SNTG1: variants seen among roughly 807,000 people sequenced by gnomAD.
SNTG1 encodes the protein gamma-1-syntrophin.
A neutral mutation model predicts 74.7 loss-of-function variants in SNTG1; 39 were observed. That is an observed-to-expected ratio of 0.52 (90% CI 0.40 to 0.68). The LOEUF (loss-of-function observed/expected upper bound fraction) is 0.68, where lower values mean the gene tolerates loss of function less well. SNTG1 is among the 30% of genes least tolerant of loss of function. SNTG1 has a pLI of 0.00. For synonymous variants in SNTG1, 254 were observed against 217.1 expected (o/e 1.17, Z -1.49); for missense variants, 685 against 609.5 (o/e 1.12, Z -1.30).
At chr8:50,582,450 C>G (rs1210288629) in intron 12 of SNTG1, among the ~76,000 whole-genome samples, 1 of 151,878 alleles carries the variant, frequency 6.6e-6, no homozygotes, top group Non-Finnish European at 1.5e-5. Context: ...ATAAGTATCT[C>G]TATACTGATA....
chr8:50,076,157 T>C (rs541324362), intron 1 of SNTG1, among the ~76,000 whole-genome samples: 1 of 152,210 alleles, frequency 6.6e-6, no homozygotes, highest in Admixed American at 6.5e-5. Context: ...TTAGAAATTT[T>C]CCATTAAGCC....
intron 2 of SNTG1, among the ~76,000 whole-genome samples, chr8:50,333,695 G>A (rs2091043592): frequency 6.6e-6 from 1 of 152,180 alleles, no homozygotes; most frequent in Non-Finnish European, 1.5e-5. Context: ...GGCGTTATCA[G>A]AGAAATACAG....
chr8:50,670,211 G>A (rs1018513623), intron 15 of SNTG1, among the ~76,000 whole-genome samples: 74 of 152,138 alleles, frequency 4.9e-4, no homozygotes, highest in Non-Finnish European at 8.7e-4. Context: ...GCAGGAGAAG[G>A]AAATAAAGGG....
intron 9 of SNTG1, among the ~76,000 whole-genome samples, chr8:50,515,794 C>T (rs1350018905): frequency 6.6e-6 from 1 of 152,178 alleles, no homozygotes; most frequent in African/African-American, 2.4e-5. Context: ...AGAAAGGCAG[C>T]AGCCCCAGTC....
intron 1 of SNTG1, among the ~76,000 whole-genome samples, chr8:50,010,485 C>T (rs1815670690): frequency 6.6e-6 from 1 of 152,002 alleles, no homozygotes; most frequent in Non-Finnish European, 1.5e-5. Flanking sequence ...AAATGTCTGA[C>T]TTCATAAAAC....
chr8:49,910,524 G>A (rs1244368946), upstream of SNTG1, among the ~76,000 whole-genome samples: 1 of 152,196 alleles, frequency 6.6e-6, no homozygotes. Flanking sequence ...TCAACGTTAT[G>A]TATTTCAACT....
chr8:50,168,794 A>G (rs2082711082), intron 1 of SNTG1, among the ~76,000 whole-genome samples: 1 of 152,202 alleles, frequency 6.6e-6, no homozygotes, highest in African/African-American at 2.4e-5. Flanking sequence ...CATAATTTCT[A>G]GGAAGTTGCA....
intron 12 of SNTG1, among the ~76,000 whole-genome samples, chr8:50,568,354 A>G (rs944586660): frequency 1.3e-5 from 2 of 152,030 alleles, no homozygotes; most frequent in Non-Finnish European, 2.9e-5. Context: ...CTTTGGATAT[A>G]TACTCAGTAA....
intron 2 of SNTG1, among the ~76,000 whole-genome samples, chr8:50,299,224 T>C (rs1486306143): frequency 6.6e-6 from 1 of 152,144 alleles, no homozygotes; most frequent in Non-Finnish European, 1.5e-5. Flanking sequence ...AGGGTTTTGT[T>C]GGTCAACCAG....
chr8:50,257,537 T>A (rs2086945526), intron 2 of SNTG1, among the ~76,000 whole-genome samples: 1 of 152,184 alleles, frequency 6.6e-6, no homozygotes, highest in South Asian at 2.1e-4. Flanking sequence ...TAGATTTGGT[T>A]GGTGAGCAGT....
At chr8:50,107,364 A>G (rs1011943890) in intron 1 of SNTG1, among the ~76,000 whole-genome samples, 19 of 152,176 alleles carry the variant, frequency 1.2e-4, no homozygotes, top group Non-Finnish European at 2.4e-4. Flanking sequence ...AAGAAAATAG[A>G]TTGAAAGATT....
At chr8:50,187,417 A>G (rs1201671684) in intron 2 of SNTG1, among the ~76,000 whole-genome samples, 1 of 152,186 alleles carries the variant, frequency 6.6e-6, no homozygotes, top group African/African-American at 2.4e-5. Context: ...GCTATGGGGA[A>G]AGGATTCCCT....
intron 2 of SNTG1, among the ~76,000 whole-genome samples, chr8:50,247,358 A>G (rs1449647539): frequency 6.6e-6 from 1 of 152,132 alleles, no homozygotes; most frequent in Non-Finnish European, 1.5e-5. Flanking sequence ...TTCTTGCTTC[A>G]GATTTAGCAG....
chr8:50,486,124 C>A (rs1386847489), intron 8 of SNTG1, among the ~76,000 whole-genome samples: 1 of 152,168 alleles, frequency 6.6e-6, no homozygotes, highest in African/African-American at 2.4e-5. Context: ...ATTGACTTGG[C>A]GATGCAGGCT....
At chr8:50,290,253 C>T (rs551206124) in intron 2 of SNTG1, among the ~76,000 whole-genome samples, 9 of 152,254 alleles carry the variant, frequency 5.9e-5, no homozygotes, top group African/African-American at 2.2e-4. Flanking sequence ...AAAAACAAGC[C>T]ACTTGATGTG....
intron 2 of SNTG1, among the ~76,000 whole-genome samples, chr8:50,293,499 T>C (rs1422601149): frequency 1.3e-5 from 2 of 151,360 alleles, no homozygotes; most frequent in Non-Finnish European, 2.9e-5. Flanking sequence ...AACCTCTGCC[T>C]CCTGGGTTCA....
At chr8:50,436,336 G>A (rs567082879) in intron 4 of SNTG1, among the ~76,000 whole-genome samples, 1 of 152,060 alleles carries the variant, frequency 6.6e-6, no homozygotes. Context: ...AAATAGTCAC[G>A]ATTTAATTCA....
At chr8:50,075,228 G>A (rs987706926) in intron 1 of SNTG1, among the ~76,000 whole-genome samples, 7 of 152,306 alleles carry the variant, frequency 4.6e-5, no homozygotes, top group East Asian at 1.9e-4. Context: ...CCCATCGACC[G>A]CCCAGGGGCT....
intron 1 of SNTG1, among the ~76,000 whole-genome samples, chr8:50,082,433 T>G (rs1002602109): frequency 2.0e-5 from 3 of 152,232 alleles, no homozygotes; most frequent in Non-Finnish European, 4.4e-5. Context: ...TTTATATAAC[T>G]TGCCTGGACA....
Sources: gnomAD v4.1 joint callset for allele counts (sites outside exome capture counted in the v4.1 genomes callset) on GRCh38, gnomAD v4.1.1 for gene constraint, MANE v1.5 for transcripts, NCBI Gene and HGNC (gene_info 2026-07-23, HGNC 2026-07-21) for gene names.